B3GALT1: variants seen among roughly 807,000 people sequenced by gnomAD.
B3GALT1 encodes the protein UDP-Gal:betaGlcNAc beta 1,3-galactosyltransferase, polypeptide 1.
B3GALT1 carries 10 observed loss-of-function variants against 23.2 expected under a neutral mutation model. That is an observed-to-expected ratio of 0.43 (90% confidence interval 0.27 to 0.73). The LOEUF (loss-of-function observed/expected upper bound fraction) is 0.73, where lower values mean the gene tolerates loss of function less well. B3GALT1 is among the 30% of genes least tolerant of loss of function. The pLI, the probability that B3GALT1 is intolerant of heterozygous loss-of-function variation, is 0.21. For missense variants in B3GALT1, 299 were observed against 405.4 expected, an observed-to-expected ratio of 0.74 and a Z score of 2.25; for synonymous variants, 156 against 141.5, an observed-to-expected ratio of 1.10 and a Z score of -0.73.
At chr2:167,688,555 G>A (rs908383830) in intron 3 of B3GALT1, among the ~76,000 whole-genome samples, 1 of 151,932 alleles carries the variant, frequency 6.6e-6, no homozygotes, top group Non-Finnish European at 1.5e-5. Context: ...GAATGGAGGG[G>A]ACAGGAAAAA....
intron 2 of B3GALT1, among the ~76,000 whole-genome samples, chr2:167,496,738 G>T (rs1699789072): frequency 6.6e-6 from 1 of 152,140 alleles, no homozygotes. Context: ...AGGTAATGAA[G>T]TCATGAAGGT....
chr2:167,329,790 C>G (rs779336848), intron 1 of B3GALT1, among the ~76,000 whole-genome samples: 5 of 139,902 alleles, frequency 3.6e-5, no homozygotes, highest in Non-Finnish European at 7.7e-5. Context: ...ATATAGTATC[C>G]TTAACTGGCA....
At chr2:167,527,195 G>A (rs1040657683) in intron 2 of B3GALT1, among the ~76,000 whole-genome samples, 5 of 152,060 alleles carry the variant, frequency 3.3e-5, no homozygotes, top group African/African-American at 1.2e-4. Context: ...AGTTAATGAT[G>A]TGAAAGATTA....
chr2:167,857,427 G>A (rs1205810087), intron 4 of B3GALT1, among the ~76,000 whole-genome samples: 2 of 152,120 alleles, frequency 1.3e-5, no homozygotes, highest in Admixed American at 1.3e-4. Context: ...CCAGTAGGAT[G>A]AAAACTGGCA....
intron 2 of B3GALT1, among the ~76,000 whole-genome samples, chr2:167,600,819 T>G (rs1684864718): frequency 6.6e-6 from 1 of 151,650 alleles, no homozygotes; most frequent in Non-Finnish European, 1.5e-5. Flanking sequence ...GTTTGGATTC[T>G]CCCCCGCCCC....
intron 2 of B3GALT1, among the ~76,000 whole-genome samples, chr2:167,629,256 G>T (rs531412615): frequency 3.4e-4 from 51 of 151,832 alleles, no homozygotes; most frequent in Non-Finnish European, 1.0e-4. Flanking sequence ...AGGAGCTTTG[G>T]TGTAAAAGTC....
intron 3 of B3GALT1, among the ~76,000 whole-genome samples, chr2:167,707,122 C>G (rs1432808690): frequency 6.6e-6 from 1 of 152,192 alleles, no homozygotes; most frequent in Admixed American, 6.5e-5. Context: ...TGGTTGACAG[C>G]TAGTGCACAC....
chr2:167,379,428 C>T (rs1697811621), intron 1 of B3GALT1, among the ~76,000 whole-genome samples: 1 of 151,992 alleles, frequency 6.6e-6, no homozygotes, highest in Admixed American at 6.6e-5. Context: ...ATTTTCTTCC[C>T]CTTTTCCTTT....
At chr2:167,542,618 A>G (rs1683550398) in intron 2 of B3GALT1, among the ~76,000 whole-genome samples, 1 of 152,194 alleles carries the variant, frequency 6.6e-6, no homozygotes, top group South Asian at 2.1e-4. Flanking sequence ...ACTCTGATCC[A>G]CTTGTATAAA....
At chr2:167,685,121 C>G (rs1164187060) in intron 3 of B3GALT1, among the ~76,000 whole-genome samples, 1 of 152,228 alleles carries the variant, frequency 6.6e-6, no homozygotes, top group South Asian at 2.1e-4. Context: ...TAAAATGATG[C>G]TGCAAATGTT....
chr2:167,838,142 C>G (rs1380885815), intron 4 of B3GALT1, among the ~76,000 whole-genome samples: 1 of 151,060 alleles, frequency 6.6e-6, no homozygotes, highest in Non-Finnish European at 1.5e-5. Flanking sequence ...CAAACACATT[C>G]AAAAGCTAGC....
At chr2:167,685,023 T>A (rs1025857172) in intron 3 of B3GALT1, among the ~76,000 whole-genome samples, 2 of 152,204 alleles carry the variant, frequency 1.3e-5, no homozygotes, top group Non-Finnish European at 2.9e-5. Flanking sequence ...GAAATAAGGA[T>A]AATGTCACCT....
chr2:167,530,247 A>T (rs995100490), intron 2 of B3GALT1, among the ~76,000 whole-genome samples: 7 of 151,972 alleles, frequency 4.6e-5, no homozygotes, highest in African/African-American at 1.5e-4. Context: ...CTAAAATAGC[A>T]CTCACATCTC....
intron 1 of B3GALT1, among the ~76,000 whole-genome samples, chr2:167,322,982 T>C (rs1178288011): frequency 2.0e-5 from 3 of 152,098 alleles, no homozygotes; most frequent in Admixed American, 6.5e-5. Context: ...TTATCACTTT[T>C]GGCATGACTA....
chr2:167,551,811 G>A (rs1337027404), intron 2 of B3GALT1, among the ~76,000 whole-genome samples: 2 of 152,140 alleles, frequency 1.3e-5, no homozygotes, highest in African/African-American at 2.4e-5. Context: ...GGACCAGACC[G>A]AAGTAGATAT....
intron 2 of B3GALT1, among the ~76,000 whole-genome samples, chr2:167,504,341 A>G (rs1257765966): frequency 2.6e-5 from 4 of 152,210 alleles, no homozygotes; most frequent in Non-Finnish European, 5.9e-5. Flanking sequence ...AGTTATAAGT[A>G]GCTCAAGATT....
intron 4 of B3GALT1, among the ~76,000 whole-genome samples, chr2:167,825,437 G>GGT (rs111721100): frequency 1.5e-3 from 210 of 144,542 alleles, no homozygotes; most frequent in Middle Eastern, 7.1e-3. Context: ...TATATGCAGG[G>GGT]GTGTGTGTGT....
chr2:167,852,359 A>G (rs944572088), intron 4 of B3GALT1, among the ~76,000 whole-genome samples: 2 of 152,172 alleles, frequency 1.3e-5, no homozygotes, highest in African/African-American at 4.8e-5. Flanking sequence ...CAGCTCAGAA[A>G]GACATTTCGG....
intron 2 of B3GALT1, among the ~76,000 whole-genome samples, chr2:167,642,337 G>A (rs984113614): frequency 3.9e-5 from 6 of 152,130 alleles, no homozygotes; most frequent in African/African-American, 1.2e-4. Flanking sequence ...TTCATGTGCC[G>A]TAAAACCAGC....
Sources: allele counts gnomAD v4.1 joint callset (sites outside exome capture counted in the v4.1 genomes callset), GRCh38; gene constraint gnomAD v4.1.1; transcripts MANE v1.5; gene names NCBI Gene and HGNC (gene_info 2026-07-23, HGNC 2026-07-21).